The following PDSS2 variants were observed in gnomAD, a reference collection of about 807,000 sequenced individuals.
PDSS2 encodes decaprenyl diphosphate synthase subunit 2.
In PDSS2, 31 loss-of-function variants were observed where a neutral mutation model predicts 44.5. The ratio of observed to expected loss-of-function variants is 0.70; its 90% CI spans 0.52 to 0.94. The LOEUF (loss-of-function observed/expected upper bound fraction) is 0.94. Among genes scored for constraint, PDSS2 ranks in the 40% least tolerant of loss-of-function variants. The probability of loss-of-function intolerance (pLI) is 0.00; values close to 1 mark genes in which losing one functional copy is unlikely to be tolerated. For missense variants in PDSS2, 452 were observed against 482.2 expected, an observed-to-expected ratio of 0.94 and a Z score of 0.59; for synonymous variants, 157 against 180.3, an observed-to-expected ratio of 0.87 and a Z score of 1.03.
At chr6:107,454,597 C>T (rs1254418446) in intron 1 of PDSS2, among the ~76,000 whole-genome samples, 1 of 151,294 alleles carries the variant, frequency 6.6e-6, no homozygotes, top group Non-Finnish European at 1.5e-5. Flanking sequence ...GACAAGATGT[C>T]TTAGGTAAAG....
chr6:107,352,538 C>A (rs1778464059), intron 1 of PDSS2, among the ~76,000 whole-genome samples: 2 of 152,168 alleles, frequency 1.3e-5, no homozygotes, highest in Admixed American at 6.5e-5. Flanking sequence ...TACATAGGTT[C>A]ACCTTTTGAT....
chr6:107,242,683 G>T (rs898347554), intron 4 of PDSS2, among the ~76,000 whole-genome samples: 3 of 152,080 alleles, frequency 2.0e-5, no homozygotes, highest in Non-Finnish European at 2.9e-5. Flanking sequence ...GAGCAGGCAT[G>T]GGCTACCATG....
intron 1 of PDSS2, among the ~76,000 whole-genome samples, chr6:107,408,764 A>C (rs1780400625): frequency 6.6e-6 from 1 of 152,214 alleles, no homozygotes; most frequent in Non-Finnish European, 1.5e-5. Context: ...AGAGGCTAGA[A>C]ATTTAGATTT....
At chr6:107,298,108 G>C (rs1776570411) in intron 2 of PDSS2, among the ~76,000 whole-genome samples, 1 of 152,070 alleles carries the variant, frequency 6.6e-6, no homozygotes, top group African/African-American at 2.4e-5. Flanking sequence ...GATATGAGAA[G>C]GAAAACTGGG....
At chr6:107,189,180 T>A (rs1347924443) in intron 7 of PDSS2, among the ~76,000 whole-genome samples, 1 of 152,204 alleles carries the variant, frequency 6.6e-6, no homozygotes, top group Non-Finnish European at 1.5e-5. Flanking sequence ...CCTGAGTAGC[T>A]GGGAGTATGA....
At chr6:107,326,676 AC>A (rs1582945251) in intron 2 of PDSS2, among the ~76,000 whole-genome samples, 1 of 151,662 alleles carries the variant, frequency 6.6e-6, no homozygotes, top group African/African-American at 2.4e-5. Context: ...ACACGGTGAA[AC>A]CCTGTCTCTA....
rs143121266 is a variant in PDSS2, at chr6:107,459,009, G to T, written c.277C>A (p.Pro93Thr). 1.9e-6 allele frequency: 3 copies of T among 1,614,042 alleles called. No individual in the cohort carries two copies. The highest frequency in any genetic ancestry group is 2.5e-6 in the Non-Finnish European group (3 of 1,180,028). ...GCTCACCTGGCTGTGGTAAGCAGAGGGTGCTGAGTGCCCACCAGCTTCCGC... is the reference window on the plus strand; with the variant it reads ...GCTCACCTGGCTGTGGTAAGCAGAGTGTGCTGAGTGCCCACCAGCTTCCGC... ...QVRKLVGTQH[P>T]LLTTARGLVH... Residue 93 changes from proline to threonine, a missense_variant, in exon 1 of 8, where the codon CCT (proline) becomes ACT (threonine). Pro to Thr is a conservative substitution (Grantham distance 38, BLOSUM62 -1). Transcript: ENST00000369037. This position sits in a 1 kb window ranked among gnomAD's most constrained non-coding sequence, Gnocchi z 4.3.
intron 7 of PDSS2, among the ~76,000 whole-genome samples, chr6:107,159,943 C>T (rs1192842639): frequency 6.6e-6 from 1 of 152,088 alleles, no homozygotes; most frequent in South Asian, 2.1e-4. Flanking sequence ...TGGCTGGGTG[C>T]GGTGGCTCAC....
intron 1 of PDSS2, among the ~76,000 whole-genome samples, chr6:107,391,805 C>A (rs1779791307): frequency 6.6e-6 from 1 of 151,612 alleles, no homozygotes; most frequent in Non-Finnish European, 1.5e-5. Flanking sequence ...TCTTATGCGC[C>A]AGCACTTTTT....
At chr6:107,436,980 A>G (rs760362967) in intron 1 of PDSS2, among the ~76,000 whole-genome samples, 6 of 152,088 alleles carry the variant, frequency 3.9e-5, no homozygotes, top group Non-Finnish European at 4.4e-5. Flanking sequence ...ATGGGTGCTG[A>G]CTGCCTCAGT....
At chr6:107,399,281 T>C (rs1248966605) in intron 1 of PDSS2, among the ~76,000 whole-genome samples, 1 of 152,072 alleles carries the variant, frequency 6.6e-6, no homozygotes, top group Non-Finnish European at 1.5e-5. Flanking sequence ...CCACACATTT[T>C]CCCCCAGGAA....
intron 1 of PDSS2, among the ~76,000 whole-genome samples, chr6:107,389,977 C>CA (rs1779730651): frequency 6.6e-6 from 1 of 151,796 alleles, no homozygotes; most frequent in Admixed American, 6.6e-5. Flanking sequence ...AAAGAGCTCC[C>CA]AATGGCCAAA....
intron 3 of PDSS2, among the ~76,000 whole-genome samples, chr6:107,272,871 T>C (rs1208731801): frequency 1.3e-5 from 2 of 152,136 alleles, no homozygotes; most frequent in Non-Finnish European, 2.9e-5. Context: ...AGGTAAGAGA[T>C]CGCTTGAGCC....
At chr6:107,328,057 A>T (rs1777603267) in intron 2 of PDSS2, among the ~76,000 whole-genome samples, 1 of 152,248 alleles carries the variant, frequency 6.6e-6, no homozygotes, top group Non-Finnish European at 1.5e-5. Flanking sequence ...TGTCCAAGGC[A>T]TTGGTGAGTT....
intron 2 of PDSS2, among the ~76,000 whole-genome samples, chr6:107,313,320 A>G (rs909264418): frequency 1.4e-4 from 22 of 152,300 alleles, no homozygotes; most frequent in African/African-American, 4.6e-4. Flanking sequence ...CAGAAATTAT[A>G]AATTGACTAG....
chr6:107,345,749 A>G (rs973964602), intron 1 of PDSS2, among the ~76,000 whole-genome samples: 1 of 152,226 alleles, frequency 6.6e-6, no homozygotes, highest in Non-Finnish European at 1.5e-5. Flanking sequence ...GTAAAACTAT[A>G]TTATTGCAAC....
At chr6:107,457,516 A>G (rs1252211253) in intron 1 of PDSS2, among the ~76,000 whole-genome samples, 1 of 152,194 alleles carries the variant, frequency 6.6e-6, no homozygotes, top group African/African-American at 2.4e-5. Flanking sequence ...TGTCCTGGGA[A>G]TTGAAGGGTA....
chr6:107,271,607 A>T (rs535678805), intron 3 of PDSS2, among the ~76,000 whole-genome samples: 7 of 152,226 alleles, frequency 4.6e-5, no homozygotes, highest in Non-Finnish European at 8.8e-5. Flanking sequence ...CTGATACAGG[A>T]AAGAGTTAGC....
intron 4 of PDSS2, among the ~76,000 whole-genome samples, chr6:107,225,917 G>A (rs1269602239): frequency 3.3e-5 from 5 of 152,170 alleles, no homozygotes; most frequent in African/African-American, 4.8e-5. Context: ...CTATGTGCAA[G>A]GTAAGTACTC....
Sources: gnomAD v4.1 joint callset for allele counts (sites outside exome capture counted in the v4.1 genomes callset) on GRCh38, gnomAD v4.1.1 for gene constraint, Gnocchi (gnomAD v3.1) non-coding constraint, MANE v1.5 for transcripts, NCBI Gene and HGNC (gene_info 2026-07-23, HGNC 2026-07-21) for gene names.